The following DPH5 variants were observed in gnomAD, a reference collection of about 807,000 sequenced individuals.
DPH5 encodes the protein diphthamide biosynthesis 5.
Under a neutral mutation model 31.6 loss-of-function variants are expected in DPH5, and 31 were observed. That is an observed-to-expected ratio of 0.98 (90% CI 0.74 to 1.32). The LOEUF (loss-of-function observed/expected upper bound fraction) is 1.32. Ranked by LOEUF, DPH5 falls within the 40% of genes most tolerant of loss-of-function variation. DPH5 has a pLI of 0.00. For synonymous variants in DPH5, 120 were observed against 115.0 expected, an observed-to-expected ratio of 1.04 and a Z score of -0.28; for missense variants, 309 against 335.7, an observed-to-expected ratio of 0.92 and a Z score of 0.62.
intron 3 of DPH5, among the ~76,000 whole-genome samples, chr1:101,015,363 C>G (rs1292989007): frequency 6.6e-6 from 1 of 152,174 alleles, no homozygotes; most frequent in African/African-American, 2.4e-5. Flanking sequence ...TGACCAAGTG[C>G]ATTGTCAATG....
chr1:100,998,462 CTG>C (rs1352573804), intron 5 of DPH5, among the ~76,000 whole-genome samples: 1 of 148,576 alleles, frequency 6.7e-6, no homozygotes, highest in Non-Finnish European at 1.5e-5. Context: ...TGAGCCGAGA[CTG>C]CACTACTGCA....
intron 4 of DPH5, among the ~76,000 whole-genome samples, chr1:101,012,855 C>A (rs1659799031): frequency 1.3e-5 from 2 of 152,172 alleles, no homozygotes; most frequent in Admixed American, 6.5e-5. Flanking sequence ...CCAAGTCATA[C>A]AGAAAATATA....
chr1:101,025,193 G>A (rs751728149), intron 2 of DPH5, 116 bp downstream of exon 2: 5 of 1,250,980 alleles, frequency 4.0e-6, no homozygotes, highest in Non-Finnish European at 5.4e-6. Context: ...ATGAACAAGG[G>A]ATGCGTTTCA....
At position 101,005,926 on chromosome 1, in the gene DPH5, G is replaced by A. The variant is rs75033721; in HGVS notation, c.370-4339C>T. On this transcript the variant is annotated intron_variant, in intron 4 of 7. Transcript: ENST00000370109. Reference sequence around the variant, plus strand: ...GGGACCCGGTAGTGGGGGAGGTGAGGGGGGGAGCAGTTACCTCCATGCTGT... The same window carrying A: ...GGGACCCGGTAGTGGGGGAGGTGAGAGGGGGAGCAGTTACCTCCATGCTGT... Among the ~76,000 whole-genome samples the A allele has an allele frequency of 5.3e-5, 8 of 152,168 alleles. No homozygotes were observed. The East Asian group carries it at 1.2e-3, about 22-fold the overall frequency.
rs67726104 is a variant in DPH5 at position 101,021,817 on chromosome 1, A to AACACACAC, written c.136-60_136-53dup. On this transcript the variant is annotated intron_variant, in intron 2 of 7. Transcript: ENST00000370109. ...TAAAGAGACAGCAGGTGACCATTCTAACACACACACACACACACACACACA... is the reference window on the plus strand; with the variant it reads ...TAAAGAGACAGCAGGTGACCATTCTAACACACACACACACACACACACACACACACACA... 5,337 of 738,632 alleles carry AACACACAC rather than the reference A, an allele frequency of 7.2e-3. 33 individuals are homozygous for AACACACAC. The highest frequency in any genetic ancestry group is 0.028 in the Admixed American group (977 of 34,376). 45.8% of individuals were successfully genotyped at this position (738,632 alleles called of 1,614,324 possible).
intron 4 of DPH5, among the ~76,000 whole-genome samples, chr1:101,006,709 G>T (rs1423624620): frequency 6.6e-6 from 1 of 152,132 alleles, no homozygotes; most frequent in Non-Finnish European, 1.5e-5. Flanking sequence ...GGTCGACAAT[G>T]CTGACTATCA....
Position 101,025,408 on chromosome 1 carries a change from G to A in DPH5, c.36C>T (p.Ala12=), listed in dbSNP as rs1274290166. Residue 12 remains alanine, a synonymous_variant, in exon 2 of 8, where the codon GCC becomes GCT. Transcript: ENST00000370109. ...CCAGGCCCTTGACTGTGATGTCCTT[G>A]GCATCTCCCAGGCCCAACCCGATGA... The part of the protein sequence containing the change: ...LYLIGLGLGD[A]KDITVKGLEV... 1.2e-6 allele frequency: 2 copies of A among 1,614,146 alleles called. No homozygotes were observed. Among genetic ancestry groups the A allele is most frequent in the Non-Finnish European group, 1.7e-6 (2 of 1,180,022 alleles).
intron 5 of DPH5, among the ~76,000 whole-genome samples, chr1:101,000,816 T>C (rs1024793142): frequency 3.3e-5 from 5 of 152,232 alleles, no homozygotes; most frequent in African/African-American, 1.2e-4. Context: ...CATGGCTTTC[T>C]GAAACTCAGT....
chr1:101,018,542 ATGTT>A (rs1421529930), intron 3 of DPH5, among the ~76,000 whole-genome samples: 1 of 152,140 alleles, frequency 6.6e-6, no homozygotes, highest in Admixed American at 6.5e-5. Flanking sequence ...GCCGGCTGGT[ATGTT>A]TGTTTTAAAT....
rs111851975 is a variant in DPH5 at position 101,004,656 on chromosome 1, A to C, written c.370-3069T>G. On this transcript the variant is annotated intron_variant, in intron 4 of 7. Coordinates refer to ENST00000370109, the MANE Select transcript of DPH5 (RefSeq NM_015958.3). ...AGTTAGAAGATGCTCAAGAAAGACA[A>C]TAGTAGGTAGTAGTAATTATTATTA... Among the ~76,000 whole-genome samples the C allele has an allele frequency of 6.4e-3, 973 of 152,302 alleles. 16 individuals are homozygous for C. The highest frequency in any genetic ancestry group is 0.02 in the African/African-American group (844 of 41,546).
chr1:101,025,242 T>G lies in DPH5; in HGVS notation c.135+67A>C. On this transcript the variant is annotated intron_variant, in intron 2 of 7. Transcript: ENST00000370109. ...AGCAGACCTGAAAATTCTGTTCAGCTTAGTGTATGAAAATCAGATGTTAGA... is the reference window on the plus strand; with the variant it reads ...AGCAGACCTGAAAATTCTGTTCAGCGTAGTGTATGAAAATCAGATGTTAGA... 3 of 1,591,092 alleles carry G rather than the reference T, an allele frequency of 1.9e-6. 1 individual carries two copies. In the South Asian group the frequency reaches 3.4e-5, roughly 18 times the overall value.
Position 100,992,704 on chromosome 1 carries a change from A to T in DPH5, c.567T>A (p.Ser189Arg), listed in dbSNP as rs753594212. ...RKIYEPPRYM[S>R]VNQAAQQLLE... ...GAAGCTGCTGGGCTGCTTGGTTTAC[A>T]CTCATATACCGTGGAGGTTCATAGA... The change falls in exon 7 of 8, where the codon AGT becomes AGA. Residue 189 changes from serine (S) to arginine (R), a missense_variant. Coordinates refer to ENST00000370109, the MANE Select transcript of DPH5 (RefSeq NM_015958.3). The T allele has an allele frequency of 1.8e-5, 29 of 1,613,744 alleles. 2 individuals carry two copies. In the South Asian group the frequency reaches 3.1e-4, roughly 17 times the overall value.
intron 5 of DPH5, among the ~76,000 whole-genome samples, chr1:101,000,295 A>G (rs902251379): frequency 2.1e-4 from 32 of 152,356 alleles, no homozygotes; most frequent in African/African-American, 7.5e-4. Flanking sequence ...ACACAGTTTC[A>G]GTAACACAGT....
At position 100,993,559 on chromosome 1, in the gene DPH5, AAT is replaced by A. The variant is rs10527775; in HGVS notation, c.531-821_531-820del. On this transcript the variant is annotated intron_variant, in intron 6 of 7. Coordinates refer to ENST00000370109, the MANE Select transcript of DPH5 (RefSeq NM_015958.3). ...AGAGCAAGACTCTGTCGAAAATATA[AAT>A]ATATATATATATATATATATATATA... Among the ~76,000 whole-genome samples the A allele has an allele frequency of 3.8e-3, 215 of 56,508 alleles. 1 individual carries two copies. Among genetic ancestry groups the A allele is most frequent in the South Asian group, 0.035 (39 of 1,102 alleles). 37.1% of individuals were successfully genotyped at this position (56,508 alleles called of 152,430 possible).
intron 5 of DPH5, chr1:100,995,930 T>C (rs917462271): frequency 6.6e-6 from 1 of 152,214 alleles, no homozygotes; most frequent in African/African-American, 2.4e-5. Context: ...TTTGCAAAAA[T>C]AAACATAGTG....
At chr1:101,002,771 T>A (rs750820403) in intron 4 of DPH5, among the ~76,000 whole-genome samples, 1 of 152,096 alleles carries the variant, frequency 6.6e-6, no homozygotes, top group Non-Finnish European at 1.5e-5. Context: ...CAAGGATTAG[T>A]CATCCTCTGC....
intron 4 of DPH5, among the ~76,000 whole-genome samples, chr1:101,004,789 C>T (rs1329085065): frequency 1.3e-5 from 2 of 152,142 alleles, no homozygotes; most frequent in African/African-American, 4.8e-5. Flanking sequence ...CCTTGAAAGA[C>T]AGTTAAGATT....
At chr1:101,003,997 G>A (rs1210967187) in intron 4 of DPH5, among the ~76,000 whole-genome samples, 1 of 152,136 alleles carries the variant, frequency 6.6e-6, no homozygotes, top group South Asian at 2.1e-4. Context: ...GTCATGGAAG[G>A]AAATAAGTTC....
chr1:101,003,103 T>C (rs939618161), intron 4 of DPH5, among the ~76,000 whole-genome samples: 3 of 152,218 alleles, frequency 2.0e-5, no homozygotes, highest in African/African-American at 7.2e-5. Context: ...ATAGAAGTTA[T>C]GCTATTCAGT....
Sources: allele counts gnomAD v4.1 joint callset (sites outside exome capture counted in the v4.1 genomes callset), GRCh38; gene constraint gnomAD v4.1.1; transcripts MANE v1.5; gene names NCBI Gene and HGNC (gene_info 2026-07-23, HGNC 2026-07-21).